The following TSNARE1 variants were observed in gnomAD, a reference collection of about 807,000 sequenced individuals.
The protein encoded by TSNARE1 is t-SNARE domain-containing protein 1.
Under a neutral mutation model 62.0 loss-of-function variants are expected in TSNARE1, and 49 were observed. That is an observed-to-expected ratio of 0.79 (90% confidence interval 0.63 to 1.00). The LOEUF (loss-of-function observed/expected upper bound fraction) is 1.00. Ranked by LOEUF, TSNARE1 falls within the 50% of genes least tolerant of loss-of-function variation. The pLI, the probability that TSNARE1 is intolerant of heterozygous loss-of-function variation, is 0.00. For missense variants in TSNARE1, 755 were observed against 700.1 expected (o/e 1.08, Z -0.88); for synonymous variants, 328 against 294.4 (o/e 1.11, Z -1.17).
intron 10 of TSNARE1, among the ~76,000 whole-genome samples, chr8:142,299,802 A>G (rs1240842662): frequency 3.3e-5 from 5 of 152,258 alleles, no homozygotes. Flanking sequence ...GCTCAGACTC[A>G]GGTGCCTCTT....
intron 12 of TSNARE1, among the ~76,000 whole-genome samples, chr8:142,230,249 CAAGGGATT>C (rs1453786638): frequency 6.6e-6 from 1 of 151,982 alleles, no homozygotes; most frequent in Admixed American, 6.6e-5. Flanking sequence ...GGGTGAGAGG[CAAGGGATT>C]AAGGGAGAAC....
intron 9 of TSNARE1, among the ~76,000 whole-genome samples, chr8:142,304,070 G>T (rs891887993): frequency 6.6e-6 from 1 of 152,222 alleles, no homozygotes; most frequent in Non-Finnish European, 1.5e-5. Context: ...ACCCTGACAC[G>T]GGTAGAAGCT....
intron 9 of TSNARE1, among the ~76,000 whole-genome samples, chr8:142,309,988 T>C: frequency 6.6e-6 from 1 of 152,218 alleles, no homozygotes; most frequent in South Asian, 2.1e-4. Context: ...AAGTCTCCTC[T>C]AAGTTGTCAA....
intron 12 of TSNARE1, among the ~76,000 whole-genome samples, chr8:142,256,765 T>C (rs1258568834): frequency 1.3e-5 from 2 of 152,230 alleles, no homozygotes; most frequent in Non-Finnish European, 2.9e-5. Context: ...AACTCGTCAC[T>C]GGCAGAGCTG....
rs58664873 is a variant in TSNARE1 at position 142,263,135 on chromosome 8, A to G, written c.1446+11646T>C. The stretch of plus-strand genomic sequence containing the variant: ...GAGGGCTCCTCATATCTCACCGTGA[A>G]TGTTCGCTGTTGAGGTTTTGGTAGA... On this transcript the variant is annotated intron_variant, in intron 12 of 13. Transcript: ENST00000524325. Among the ~76,000 whole-genome samples, 805 of 152,326 alleles carry G rather than the reference A, an allele frequency of 5.3e-3. 5 individuals carry two copies. The highest frequency in any genetic ancestry group is 0.018 in the African/African-American group (757 of 41,584).
chr8:142,304,939 G>A (rs1262554637), intron 9 of TSNARE1, among the ~76,000 whole-genome samples: 3 of 152,212 alleles, frequency 2.0e-5, no homozygotes, highest in South Asian at 2.1e-4. Context: ...CTGGGGTCCC[G>A]TGGCCTGGGT....
chr8:142,232,893 C>T (rs758186834), intron 12 of TSNARE1, among the ~76,000 whole-genome samples: 1 of 152,196 alleles, frequency 6.6e-6, no homozygotes, highest in Non-Finnish European at 1.5e-5. Context: ...TCAGCTGCTG[C>T]GGCCCAGCAA....
chr8:142,222,580 T>G (rs1314920301), intron 13 of TSNARE1, among the ~76,000 whole-genome samples: 2 of 139,196 alleles, frequency 1.4e-5, no homozygotes, highest in Non-Finnish European at 3.1e-5. Flanking sequence ...ACTCAGCCAC[T>G]CATTCACTCA....
chr8:142,402,297 C>T (rs1244742706), intron 1 of TSNARE1, among the ~76,000 whole-genome samples: 1 of 152,198 alleles, frequency 6.6e-6, no homozygotes. Flanking sequence ...GTGTTCCCTA[C>T]CCGCGCTGCC....
intron 9 of TSNARE1, 119 bp from the exon 10 acceptor site, chr8:142,300,763 G>GGACGATTTGGGTCTGAGGC: frequency 8.3e-7 from 1 of 1,212,112 alleles, no homozygotes; most frequent in Non-Finnish European, 1.1e-6. Flanking sequence ...CTCTCTGAGG[G>GGACGATTTGGGTCTGAGGC]GACGATCTGG....
At chr8:142,259,347 C>T (rs1818744091) in intron 12 of TSNARE1, among the ~76,000 whole-genome samples, 1 of 152,162 alleles carries the variant, frequency 6.6e-6, no homozygotes, top group African/African-American at 2.4e-5. Flanking sequence ...TGGGCACGGC[C>T]AGAGCTTCTG....
chr8:142,375,249 C>A (rs1438727848), intron 1 of TSNARE1, among the ~76,000 whole-genome samples: 1 of 152,256 alleles, frequency 6.6e-6, no homozygotes, highest in African/African-American at 2.4e-5. Context: ...CCGGCACCCA[C>A]AGCGGACAAC....
At chr8:142,354,130 G>A (rs1184596747) in intron 2 of TSNARE1, among the ~76,000 whole-genome samples, 2 of 152,134 alleles carry the variant, frequency 1.3e-5, no homozygotes, top group East Asian at 3.9e-4. Flanking sequence ...CAGGGTGGGG[G>A]TGGATGAGGT....
At chr8:142,305,592 G>A (rs887074675) in intron 9 of TSNARE1, among the ~76,000 whole-genome samples, 1 of 152,202 alleles carries the variant, frequency 6.6e-6, no homozygotes, top group African/African-American at 2.4e-5. Context: ...CAGGACAAAA[G>A]CCAGGGGAGG....
At chr8:142,239,420 G>A (rs982214930) in intron 12 of TSNARE1, among the ~76,000 whole-genome samples, 5 of 152,210 alleles carry the variant, frequency 3.3e-5, no homozygotes, top group East Asian at 1.9e-4. Flanking sequence ...GAGCTCAAGC[G>A]TTTAAAGGTC....
chr8:142,388,253 A>T (rs1487915263), intron 1 of TSNARE1, among the ~76,000 whole-genome samples: 1 of 152,118 alleles, frequency 6.6e-6, no homozygotes, highest in Non-Finnish European at 1.5e-5. Flanking sequence ...ATAAAATAGA[A>T]AGTACAGGTT....
chr8:142,221,208 G>C (rs905496999), intron 13 of TSNARE1, among the ~76,000 whole-genome samples: 3 of 152,200 alleles, frequency 2.0e-5, no homozygotes, highest in Admixed American at 1.3e-4. Context: ...GTGAGAGAAT[G>C]CCCATTAAAG....
At chr8:142,272,175 C>T (rs537757231) in intron 12 of TSNARE1, among the ~76,000 whole-genome samples, 262 of 151,826 alleles carry the variant, frequency 1.7e-3, no homozygotes, top group Middle Eastern at 0.014. Context: ...GTCTACTCAC[C>T]CATTTATCCA....
At chr8:142,325,374 T>C (rs1351956181) in intron 6 of TSNARE1, among the ~76,000 whole-genome samples, 1 of 152,154 alleles carries the variant, frequency 6.6e-6, no homozygotes, top group Non-Finnish European at 1.5e-5. Flanking sequence ...TCCACATTTT[T>C]AAAGATCGCT....
Sources: gnomAD v4.1 joint callset for allele counts (sites outside exome capture counted in the v4.1 genomes callset) on GRCh38, gnomAD v4.1.1 for gene constraint, MANE v1.5 for transcripts, NCBI Gene and HGNC (gene_info 2026-07-23, HGNC 2026-07-21) for gene names.